Variants in ZCCHC7 observed in about 807,000 individuals in gnomAD.
ZCCHC7 encodes the protein zinc finger CCHC-type containing 7, also known as zinc finger CCHC domain-containing protein 7.
In ZCCHC7, 35 loss-of-function variants were observed where a neutral mutation model predicts 52.0. The ratio of observed to expected loss-of-function variants is 0.67; its 90% CI spans 0.51 to 0.89. The LOEUF is 0.89. Ranked by LOEUF, ZCCHC7 falls within the 40% of genes least tolerant of loss-of-function variation. ZCCHC7 has a pLI of 0.00. For synonymous variants in ZCCHC7, 217 were observed against 221.5 expected, an observed-to-expected ratio of 0.98 and a Z score of 0.18; for missense variants, 574 against 649.1, an observed-to-expected ratio of 0.88 and a Z score of 1.26.
At chr9:37,226,140 C>G (rs1401764102) in intron 2 of ZCCHC7, among the ~76,000 whole-genome samples, 1 of 152,104 alleles carries the variant, frequency 6.6e-6, no homozygotes, top group Non-Finnish European at 1.5e-5. Flanking sequence ...AATTATATTT[C>G]TGTATACTAG....
chr9:37,260,087 T>A (rs1448365728), intron 2 of ZCCHC7, among the ~76,000 whole-genome samples: 1 of 152,256 alleles, frequency 6.6e-6, no homozygotes, highest in East Asian at 1.9e-4. Context: ...ACTTGGATAC[T>A]TTGCAATAAT....
At chr9:37,204,453 G>A (rs897372729) in intron 2 of ZCCHC7, among the ~76,000 whole-genome samples, 1 of 152,146 alleles carries the variant, frequency 6.6e-6, no homozygotes, top group Admixed American at 6.5e-5. Flanking sequence ...TTACATTTAA[G>A]TCTTTAATCC....
intron 2 of ZCCHC7, among the ~76,000 whole-genome samples, chr9:37,292,485 A>G (rs891411869): frequency 6.6e-6 from 1 of 152,238 alleles, no homozygotes; most frequent in Non-Finnish European, 1.5e-5. Flanking sequence ...CATTCACTAC[A>G]TAGTCATTAT....
In ZCCHC7 at chr9:37,305,539, C is replaced by CATAGAA; in HGVS notation, c.781-3_783dup. On this transcript the variant is annotated splice_region_variant and splice_polypyrimidine_tract_variant and intron_variant, in intron 4 of 8. Coordinates refer to ENST00000336755, the MANE Select transcript of ZCCHC7 (RefSeq NM_032226.3). ...AAGAGATTTTATGTTTTTTTCGCCA[C>CATAGAA]ATAGAAAGTTCGTCGCTGCTTCCTG... The CATAGAA allele has an allele frequency of 6.2e-7, 1 of 1,612,482 alleles. No individual in the cohort carries two copies. The highest frequency in any genetic ancestry group is 8.5e-7 in the Non-Finnish European group (1 of 1,179,568).
intron 2 of ZCCHC7, among the ~76,000 whole-genome samples, chr9:37,219,932 G>A (rs1403243432): frequency 6.6e-6 from 1 of 152,192 alleles, no homozygotes; most frequent in African/African-American, 2.4e-5. Context: ...CTTGGGTGAG[G>A]AAGGTTTAGT....
chr9:37,132,138 A>G (rs1296582545), intron 2 of ZCCHC7, among the ~76,000 whole-genome samples: 2 of 152,026 alleles, frequency 1.3e-5, no homozygotes. Context: ...CTCATATATT[A>G]GAAAGGCAGA....
chr9:37,121,479 C>T (rs56166913), intron 1 of ZCCHC7: 1 of 152,170 alleles, frequency 6.6e-6, no homozygotes, highest in East Asian at 1.9e-4. Context: ...TTTTCTTTTT[C>T]TTTTTAAAAT....
chr9:37,334,074 G>A (rs1431214527), intron 6 of ZCCHC7: 1 of 151,884 alleles, frequency 6.6e-6, no homozygotes, highest in Non-Finnish European at 1.5e-5. Context: ...AAAATCTTGA[G>A]TGATGCCAAT....
At chr9:37,120,537 G>A (rs977109320), upstream of ZCCHC7, 2 of 399,040 alleles carry the variant, frequency 5.0e-6, no homozygotes, top group Non-Finnish European at 8.8e-6. Flanking sequence ...CGCGGACGCG[G>A]CCTCCTTACC....
chr9:37,209,279 A>C (rs1325725231), intron 2 of ZCCHC7, among the ~76,000 whole-genome samples: 1 of 152,040 alleles, frequency 6.6e-6, no homozygotes. Context: ...TGACCTTGTG[A>C]TCTGCCCACC....
intron 5 of ZCCHC7, among the ~76,000 whole-genome samples, chr9:37,321,404 C>T (rs1830049633): frequency 6.6e-6 from 1 of 152,096 alleles, no homozygotes; most frequent in Non-Finnish European, 1.5e-5. Context: ...GCTGGGATTA[C>T]AGAAATAAAC....
At chr9:37,191,280 T>A (rs754199907) in intron 2 of ZCCHC7, among the ~76,000 whole-genome samples, 2 of 152,212 alleles carry the variant, frequency 1.3e-5, no homozygotes, top group East Asian at 3.8e-4. Context: ...AACCATTTTC[T>A]AGGAAGTTTC....
At chr9:37,295,566 T>C (rs1165948637) in intron 2 of ZCCHC7, among the ~76,000 whole-genome samples, 1 of 152,160 alleles carries the variant, frequency 6.6e-6, no homozygotes, top group East Asian at 1.9e-4. Flanking sequence ...AATCGTGGCA[T>C]TGAGGCTATT....
At chr9:37,162,845 G>C (rs190949372) in intron 2 of ZCCHC7, among the ~76,000 whole-genome samples, 318 of 152,258 alleles carry the variant, frequency 2.1e-3, no homozygotes, top group African/African-American at 7.2e-3. Flanking sequence ...GGCTGAGGTG[G>C]TTGGACCACC....
chr9:37,231,374 G>A (rs1825396966), intron 2 of ZCCHC7, among the ~76,000 whole-genome samples: 1 of 152,060 alleles, frequency 6.6e-6, no homozygotes, highest in African/African-American at 2.4e-5. Context: ...AAACTTCATG[G>A]CTTTTTAAAT....
At chr9:37,126,171 G>T in intron 1 of ZCCHC7, 141 bp from the exon 2 acceptor site, 1 of 864,106 alleles carries the variant, frequency 1.2e-6, no homozygotes, top group Non-Finnish European at 1.7e-6. Context: ...AGAAATCCTT[G>T]GAAAAAAAGG....
In ZCCHC7 at chr9:37,305,540, A is replaced by G. The variant is rs1393616863; in HGVS notation, c.781-4A>G. ...AGAGATTTTATGTTTTTTTCGCCACATAGAAAGTTCGTCGCTGCTTCCTGT... is the reference window on the plus strand; with the variant it reads ...AGAGATTTTATGTTTTTTTCGCCACGTAGAAAGTTCGTCGCTGCTTCCTGT... On this transcript the variant is annotated splice_polypyrimidine_tract_variant and splice_region_variant and intron_variant, in intron 4 of 8. Transcript: ENST00000336755. 6.2e-7 allele frequency: 1 copy of G among 1,612,820 alleles called. No individual in the cohort carries two copies. Among genetic ancestry groups the G allele is most frequent in the Non-Finnish European group, 8.5e-7 (1 of 1,179,752 alleles).
intron 2 of ZCCHC7, among the ~76,000 whole-genome samples, chr9:37,256,353 A>G (rs78745427): frequency 4.1e-4 from 63 of 152,296 alleles, no homozygotes; most frequent in African/African-American, 1.4e-3. Context: ...CCTTTCTTCA[A>G]GGTCAAATCT....
intron 2 of ZCCHC7, among the ~76,000 whole-genome samples, chr9:37,213,813 AT>A (rs1824364308): frequency 6.6e-6 from 1 of 152,092 alleles, no homozygotes; most frequent in Admixed American, 6.5e-5. Flanking sequence ...TATCTTGCAC[AT>A]TGTTTTAAAG....
Sources: allele counts gnomAD v4.1 joint callset (sites outside exome capture counted in the v4.1 genomes callset), GRCh38; gene constraint gnomAD v4.1.1; transcripts MANE v1.5; gene names NCBI Gene and HGNC (gene_info 2026-07-23, HGNC 2026-07-21).